PCDHGA3: variants seen among roughly 807,000 people sequenced by gnomAD.
PCDHGA3 encodes protocadherin gamma subfamily A, 3, also known as protocadherin gamma-A3.
PCDHGA3 carries 40 observed loss-of-function variants against 58.5 expected under a neutral mutation model. That is an observed-to-expected ratio of 0.68 (90% CI 0.53 to 0.89). The LOEUF is 0.89. Ranked by LOEUF, PCDHGA3 falls within the 40% of genes least tolerant of loss-of-function variation. The pLI, the probability that PCDHGA3 is intolerant of heterozygous loss-of-function variation, is 0.00. For synonymous variants in PCDHGA3, 530 were observed against 525.7 expected (o/e 1.01, Z -0.11); for missense variants, 1,223 against 1,195.9 (o/e 1.02, Z -0.33).
At chr5:141,346,511 T>C (rs372625044) in intron 1 of PCDHGA3, 54 bp downstream of exon 1, 1 of 1,605,376 alleles carries the variant, frequency 6.2e-7, no homozygotes, top group Non-Finnish European at 8.5e-7. Flanking sequence ...ATGTGGTTAT[T>C]ATAAAGCTTT....
intron 1 of PCDHGA3, chr5:141,405,045 C>T (rs757899891): frequency 6.2e-7 from 1 of 1,613,918 alleles, no homozygotes. Context: ...GTGGCTGTGG[C>T]AGTCGTCTCC....
At chr5:141,402,067 A>G (rs2094221639) in intron 1 of PCDHGA3, among the ~76,000 whole-genome samples, 1 of 152,226 alleles carries the variant, frequency 6.6e-6, no homozygotes, top group Non-Finnish European at 1.5e-5. Flanking sequence ...TTAAAAAACT[A>G]AGCATTTTTG....
chr5:141,397,372 G>C (rs1014875277), intron 1 of PCDHGA3, among the ~76,000 whole-genome samples: 1 of 152,012 alleles, frequency 6.6e-6, no homozygotes, highest in Non-Finnish European at 1.5e-5. Context: ...AGATGTTTGG[G>C]GATTGGTATA....
chr5:141,344,532 C>T lies in PCDHGA3; in HGVS notation c.499C>T (p.Leu167=). Residue 167 remains leucine, a synonymous_variant, in exon 1 of 4, where the codon CTG becomes TTG. Coordinates refer to ENST00000253812, the MANE Select transcript of PCDHGA3 (RefSeq NM_018916.4). ...AFDPDVGINS[L]QNYKLSPNDY... ...TGACCCAGATGTAGGCATTAACTCC[C>T]TGCAGAACTACAAGCTTAGCCCCAA... 2 of 1,614,028 alleles carry T rather than the reference C, an allele frequency of 1.2e-6. No individual in the cohort carries two copies. The highest frequency in any genetic ancestry group is 1.1e-5 in the South Asian group (1 of 91,086).
intron 1 of PCDHGA3, chr5:141,402,918 A>G: frequency 6.4e-7 from 1 of 1,570,054 alleles, no homozygotes; most frequent in Non-Finnish European, 8.6e-7. Context: ...GCGCGCACAG[A>G]GATCCTTTTG....
intron 1 of PCDHGA3, among the ~76,000 whole-genome samples, chr5:141,435,264 T>C (rs1442193276): frequency 5.3e-5 from 8 of 152,222 alleles, no homozygotes; most frequent in Non-Finnish European, 8.8e-5. Context: ...GATATGTCCA[T>C]TTATACTTTC....
At chr5:141,375,071 A>T in intron 1 of PCDHGA3, 1 of 1,614,046 alleles carries the variant, frequency 6.2e-7, no homozygotes, top group Non-Finnish European at 8.5e-7. Context: ...TCTTCGAGAC[A>T]GAGCGAAAGT....
intron 1 of PCDHGA3, among the ~76,000 whole-genome samples, chr5:141,460,793 A>T (rs954317795): frequency 2.0e-4 from 30 of 152,024 alleles, no homozygotes; most frequent in Non-Finnish European, 2.9e-5. Flanking sequence ...TATACACACA[A>T]AGTATATATA....
At chr5:141,394,845 C>G (rs2093112269) in intron 1 of PCDHGA3, 20 of 1,613,866 alleles carry the variant, frequency 1.2e-5, no homozygotes, top group Non-Finnish European at 1.7e-5. Flanking sequence ...GTTGGGCAGT[C>G]TGAAGCCTTC....
At chr5:141,350,383 C>A (rs1216895022) in intron 1 of PCDHGA3, 1 of 1,590,102 alleles carries the variant, frequency 6.3e-7, no homozygotes, top group African/African-American at 1.3e-5. Context: ...AGCTAGCCAA[C>A]GGCTCACGGG....
chr5:141,440,618 C>G (rs1287745652), intron 1 of PCDHGA3: 3 of 152,196 alleles, frequency 2.0e-5, no homozygotes, highest in South Asian at 2.1e-4. Context: ...GCAGAAGATC[C>G]TGATGTTGAG....
intron 1 of PCDHGA3, among the ~76,000 whole-genome samples, chr5:141,448,086 TAA>T (rs558292628): frequency 6.8e-6 from 1 of 146,354 alleles, no homozygotes; most frequent in Middle Eastern, 3.2e-3. Flanking sequence ...AATGCCATCT[TAA>T]AAAAAAAAAA....
intron 1 of PCDHGA3, chr5:141,409,337 A>T: frequency 6.2e-7 from 1 of 1,614,012 alleles, no homozygotes; most frequent in Non-Finnish European, 8.5e-7. Flanking sequence ...TTTCGGAGGA[A>T]ATGGAGAAGT....
chr5:141,409,312 AAC>A (rs762706827), intron 1 of PCDHGA3: 39 of 1,613,880 alleles, frequency 2.4e-5, no homozygotes, highest in Admixed American at 1.7e-4. Flanking sequence ...CCCTCTTCAA[AAC>A]ACGGGATCTG....
intron 1 of PCDHGA3, among the ~76,000 whole-genome samples, chr5:141,353,089 A>G (rs1464341115): frequency 6.6e-6 from 1 of 151,992 alleles, no homozygotes; most frequent in African/African-American, 2.4e-5. Flanking sequence ...CTACTGCGGG[A>G]GGGGGTACTA....
intron 1 of PCDHGA3, chr5:141,409,830 G>C: frequency 6.2e-7 from 1 of 1,611,250 alleles, no homozygotes; most frequent in Non-Finnish European, 8.5e-7. Context: ...CCCACGCTCA[G>C]CGCCAACGTG....
chr5:141,429,169 T>TACGC (rs2097190400), intron 1 of PCDHGA3: 1 of 145,394 alleles, frequency 6.9e-6, no homozygotes, highest in Non-Finnish European at 1.5e-5. Flanking sequence ...ACATTGTTTA[T>TACGC]ACACACACAC....
At chr5:141,418,347 G>A in intron 1 of PCDHGA3, 1 of 1,614,024 alleles carries the variant, frequency 6.2e-7, no homozygotes, top group Non-Finnish European at 8.5e-7. Flanking sequence ...CCTGATATTA[G>A]TATGAATTCG....
At chr5:141,381,029 T>C (rs976718384) in intron 1 of PCDHGA3, among the ~76,000 whole-genome samples, 4 of 152,266 alleles carry the variant, frequency 2.6e-5, no homozygotes, top group Admixed American at 6.5e-5. Context: ...TTAGTTCCTT[T>C]AAACAAAATT....
Sources: allele counts gnomAD v4.1 joint callset (sites outside exome capture counted in the v4.1 genomes callset), GRCh38; gene constraint gnomAD v4.1.1; transcripts MANE v1.5; gene names NCBI Gene and HGNC (gene_info 2026-07-23, HGNC 2026-07-21).